TNFAIP3: variants seen among roughly 807,000 people sequenced by gnomAD.
The protein encoded by TNFAIP3 is TNF alpha induced protein 3.
In TNFAIP3, 9 loss-of-function variants were observed where a neutral mutation model predicts 72.4. That is an observed-to-expected ratio of 0.12 (90% CI 0.07 to 0.22). TNFAIP3 has a LOEUF of 0.22. TNFAIP3 is among the 10% of genes least tolerant of loss of function. TNFAIP3 has a pLI of 1.00. For missense variants in TNFAIP3, 833 were observed against 1,018.7 expected (o/e 0.82, Z 2.48); for synonymous variants, 339 against 372.6 (o/e 0.91, Z 1.04).
At chr6:137,878,268 C>T (rs914301388) in intron 6 of TNFAIP3, among the ~76,000 whole-genome samples, 164 bp from the exon 7 acceptor site, 19 of 152,176 alleles carry the variant, frequency 1.2e-4, no homozygotes, top group Admixed American at 2.6e-4. Context: ...GATCATGTTG[C>T]GTGAAAAGTG....
In TNFAIP3 at chr6:137,871,600, T is replaced by C. The variant is rs1776067103; in HGVS notation, c.295+78T>C. 1 of 1,512,640 alleles carries C rather than the reference T, an allele frequency of 6.6e-7. No homozygotes were observed. Among genetic ancestry groups the C allele is most frequent in the Non-Finnish European group, 8.9e-7 (1 of 1,118,360 alleles). The allele number at this position is 1,512,640 out of a possible 1,614,324, so 93.7% of individuals were successfully genotyped here. ...TGGATCCCCATTCATGAAGCTTTAA[T>C]AGGACAAGCCCAAACTCAAATCAAT... On this transcript the variant is annotated intron_variant, in intron 2 of 8. Coordinates refer to ENST00000612899, the MANE Select transcript of TNFAIP3 (RefSeq NM_001270508.2). The surrounding 1 kb of genome is among the most constrained non-coding windows in gnomAD (Gnocchi z 4.2).
chr6:137,866,740 AC>A (rs977889175), upstream of TNFAIP3: 48 of 152,428 alleles, frequency 3.1e-4, 3 homozygotes. Flanking sequence ...GCTCCCGCCT[AC>A]GCGCTCATCA....
At position 137,876,379 on chromosome 6, in the gene TNFAIP3, A is replaced by T. The variant is rs369545513; in HGVS notation, c.805+213A>T. 56 of 504,244 alleles carry T rather than the reference A, an allele frequency of 1.1e-4. No individual in the cohort carries two copies. In the East Asian group the frequency reaches 2.0e-3, roughly 18 times the overall value. 31.2% of individuals were successfully genotyped at this position (504,244 alleles called of 1,614,324 possible). On this transcript the variant is annotated intron_variant, in intron 5 of 8. Transcript: ENST00000612899. ...TATGACTTGGAAAGTACTTTCATACATGATAAATTAAGGCGCACAGTGCTC... is the reference window on the plus strand; with the variant it reads ...TATGACTTGGAAAGTACTTTCATACTTGATAAATTAAGGCGCACAGTGCTC...
At position 137,881,639 on chromosome 6, in the gene TNFAIP3, C is replaced by T; in HGVS notation, c.*320C>T. On this transcript the variant is annotated 3_prime_UTR_variant, in exon 9 of 9. Transcript: ENST00000612899. This position sits in a 1 kb window ranked among gnomAD's most constrained non-coding sequence, Gnocchi z 5.0. ...AAGGTGTGCGGGGACTGGCCGAGGC[C>T]CCTGCACCCTGCGCATCAGGACTGC... The T allele has an allele frequency of 3.2e-6, 1 of 314,218 alleles. No individual in the cohort carries two copies. Among genetic ancestry groups the T allele is most frequent in the Non-Finnish European group, 5.8e-6 (1 of 171,426 alleles). The allele number at this position is 314,218 out of a possible 1,614,324, so 19.5% of individuals were successfully genotyped here. A position where few individuals can be genotyped will look rare whatever the true frequency, so the allele number is the denominator to read the frequency against.
rs1473469170 is a variant in TNFAIP3 at position 137,882,212 on chromosome 6, T to C, written c.*893T>C. Reference sequence around the variant, plus strand: ...TAAATAATAATAACCTGTTTTCTGGTTGTTGTTGGGGCATGAGCTTGTGTA... The same window carrying C: ...TAAATAATAATAACCTGTTTTCTGGCTGTTGTTGGGGCATGAGCTTGTGTA... On this transcript the variant is annotated 3_prime_UTR_variant, in exon 9 of 9. Coordinates refer to ENST00000612899, the MANE Select transcript of TNFAIP3 (RefSeq NM_001270508.2). 1 of 232,042 alleles carries C rather than the reference T, an allele frequency of 4.3e-6. No homozygotes were observed. Among genetic ancestry groups the C allele is most frequent in the Non-Finnish European group, 8.5e-6 (1 of 117,290 alleles). 14.4% of individuals were successfully genotyped at this position (232,042 alleles called of 1,614,324 possible). A position where few individuals can be genotyped will look rare whatever the true frequency, so the allele number is the denominator to read the frequency against.
Position 137,880,072 on chromosome 6 carries a change from T to G in TNFAIP3, c.1908T>G (p.His636Gln), listed in dbSNP as rs1776394698. 1.2e-6 allele frequency: 2 copies of G among 1,613,906 alleles called. No homozygotes were observed. Among genetic ancestry groups the G allele is most frequent in the African/African-American group, 1.3e-5 (1 of 74,908 alleles). ...LCFIEYRENK[H>Q]FAAASGKVSP... ...TAACTAGCATCCATTCTCATGTAGATTTTGCTGCTGCCTCAGGGAAAGTCA... is the reference window on the plus strand; with the variant it reads ...TAACTAGCATCCATTCTCATGTAGAGTTTGCTGCTGCCTCAGGGAAAGTCA... Residue 636 changes from histidine to glutamine, a missense_variant and splice_region_variant, in exon 8 of 9, where the codon CAT becomes CAG. Around this residue, in one of 2 missense-constraint regions of TNFAIP3, gnomAD observed 587 missense variants for 657.8 expected, o/e 0.89. Coordinates refer to ENST00000612899, the MANE Select transcript of TNFAIP3 (RefSeq NM_001270508.2).
At position 137,867,281 on chromosome 6, in the gene TNFAIP3, G is replaced by A. The variant is rs1775868751; in HGVS notation, c.-277G>A. ...TGCGCAGTCTGCAGTCTTCGTGGCG[G>A]GCCAAGCGAGCTTGGAGCCCGCGGG... On this transcript the variant is annotated 5_prime_UTR_variant, in exon 1 of 9. Coordinates refer to ENST00000612899, the MANE Select transcript of TNFAIP3 (RefSeq NM_001270508.2). This position sits in a 1 kb window ranked among gnomAD's most constrained non-coding sequence, Gnocchi z 6.0. 6.6e-6 allele frequency: 1 copy of A among 151,372 alleles called. No individual in the cohort carries two copies. The highest frequency in any genetic ancestry group is 2.4e-5 in the African/African-American group (1 of 41,520). The allele number at this position is 151,372 out of a possible 1,614,324, so 9.4% of individuals were successfully genotyped here. A position where few individuals can be genotyped will look rare whatever the true frequency, so the allele number is the denominator to read the frequency against.
intron 6 of TNFAIP3, 118 bp from the exon 7 acceptor site, chr6:137,878,314 G>T: frequency 1.1e-6 from 1 of 871,762 alleles, no homozygotes; most frequent in Non-Finnish European, 1.7e-6. Flanking sequence ...TTCAGTGAAT[G>T]GTTCTACAAT....
chr6:137,875,571 G>T, intron 3 of TNFAIP3, 117 bp from the exon 4 acceptor site: 1 of 1,272,466 alleles, frequency 7.9e-7, no homozygotes, highest in Non-Finnish European at 1.1e-6. Flanking sequence ...TTTCATGAAA[G>T]GGGAAAAAAT....
intron 1 of TNFAIP3, among the ~76,000 whole-genome samples, chr6:137,869,301 G>A (rs994570213): frequency 2.0e-5 from 3 of 152,048 alleles, no homozygotes; most frequent in Admixed American, 6.5e-5. Context: ...AGGTGGTCAG[G>A]TAGTGCTTGT....
At chr6:137,874,571 C>G (rs1373022839) in intron 2 of TNFAIP3, among the ~76,000 whole-genome samples, 2 of 152,180 alleles carry the variant, frequency 1.3e-5, no homozygotes, top group Non-Finnish European at 2.9e-5. Context: ...GTCACCTAAA[C>G]TAGTTAGGAG....
In TNFAIP3 at chr6:137,882,137, A is replaced by AT. The variant is rs1234825334; in HGVS notation, c.*825dup. ...TATACCCTTACATTATGTATGAGGG[A>AT]TTTTTTTAAATTATATTGAAATGCT... On this transcript the variant is annotated 3_prime_UTR_variant, in exon 9 of 9. Coordinates refer to ENST00000612899, the MANE Select transcript of TNFAIP3 (RefSeq NM_001270508.2). The AT allele has an allele frequency of 1.3e-5, 3 of 231,162 alleles. No homozygotes were observed. The highest frequency in any genetic ancestry group is 2.6e-5 in the Non-Finnish European group (3 of 116,816). The allele number at this position is 231,162 out of a possible 1,614,324, so 14.3% of individuals were successfully genotyped here.
chr6:137,878,293 C>G, intron 6 of TNFAIP3, 139 bp from the exon 7 acceptor site: 3 of 726,768 alleles, frequency 4.1e-6, no homozygotes, highest in Non-Finnish European at 6.7e-6. Flanking sequence ...CTCTTCATCA[C>G]AGGCCTGCAT....
chr6:137,879,181 G>C lies in TNFAIP3; in HGVS notation c.1736G>C (p.Cys579Ser), dbSNP rs368025276. ...GTCCGGAGCCCCTCCCCGCATTCTT[G>C]CCACAGAGCTGGAAACGACGCCCCT... ...RLVRSPSPHSCHRAGNDAPAG... is the reference protein window; with the variant it reads ...RLVRSPSPHSSHRAGNDAPAG... The change falls in exon 7 of 9, where the codon TGC becomes TCC. Residue 579 changes from cysteine (C) to serine (S), a missense_variant. Transcript: ENST00000612899. 8.7e-6 allele frequency: 14 copies of C among 1,614,084 alleles called. No homozygotes were observed. Among genetic ancestry groups the C allele is most frequent in the Admixed American group, 1.7e-5 (1 of 60,022 alleles).
rs377402222 is a variant in TNFAIP3 at position 137,875,951 on chromosome 6, A to G, written c.635-45A>G. The G allele has an allele frequency of 2.5e-4, 392 of 1,599,744 alleles. 2 individuals carry two copies. In the African/African-American group the frequency reaches 4.8e-3, roughly 19 times the overall value. On this transcript the variant is annotated intron_variant, in intron 4 of 8. Transcript: ENST00000612899. ...TAACAGAGTTCAATGGAATTTGATG[A>G]AAGTCACCTAAGGGCCTCATTTTCC...
At chr6:137,877,326 CT>C in intron 6 of TNFAIP3, 70 bp downstream of exon 6, 1 of 1,415,302 alleles carries the variant, frequency 7.1e-7, no homozygotes, top group Non-Finnish European at 9.5e-7. Flanking sequence ...ACCTGAGTTG[CT>C]GCCACCCTGA....
In TNFAIP3 at chr6:137,874,859, C is replaced by A. The variant is rs1303568469; in HGVS notation, c.310C>A (p.Leu104Ile). The change falls in exon 3 of 9, where the codon CTC (leucine) becomes ATC (isoleucine). Residue 104 changes from leucine to isoleucine, a missense_variant. Transcript: ENST00000612899. The part of the protein sequence containing the change: ...ALKTNGDGNC[L>I]MHATSQYMWG... ...TCTGTCCTCAGGTGACGGCAATTGC[C>A]TCATGCATGCCACTTCTCAGTACAT... 1 of 1,613,638 alleles carries A rather than the reference C, an allele frequency of 6.2e-7. No individual in the cohort carries two copies. Among genetic ancestry groups the A allele is most frequent in the Non-Finnish European group, 8.5e-7 (1 of 1,179,714 alleles).
chr6:137,880,002 T>C, intron 7 of TNFAIP3, 69 bp from the exon 8 acceptor site: 1 of 1,407,810 alleles, frequency 7.1e-7, no homozygotes, highest in Non-Finnish European at 9.9e-7. Flanking sequence ...TTTATTTCTC[T>C]ACTGTCAGCA....
Position 137,882,722 on chromosome 6 carries a change from G to A in TNFAIP3, c.*1403G>A, listed in dbSNP as rs1776503281. The A allele has an allele frequency of 4.3e-6, 1 of 232,638 alleles. No homozygotes were observed. The highest frequency in any genetic ancestry group is 8.5e-6 in the Non-Finnish European group (1 of 117,638). 14.4% of individuals were successfully genotyped at this position (232,638 alleles called of 1,614,324 possible). On this transcript the variant is annotated 3_prime_UTR_variant, in exon 9 of 9. Transcript: ENST00000612899. ...TTTCTGTTAACACTGTGTCCTGGGG[G>A]GGCTGGGAAGTCCCCTGCATCCCAT...
Sources: allele counts gnomAD v4.1 joint callset (sites outside exome capture counted in the v4.1 genomes callset), GRCh38; gene constraint gnomAD v4.1.1; regional missense constraint gnomAD v4.1.1; non-coding constraint Gnocchi (gnomAD v3.1); transcripts MANE v1.5; gene names NCBI Gene and HGNC (gene_info 2026-07-23, HGNC 2026-07-21).